GAK: variants seen among roughly 807,000 people sequenced by gnomAD.
GAK encodes cyclin G associated kinase.
A neutral mutation model predicts 143.9 loss-of-function variants in GAK; 79 were observed. That is an observed-to-expected ratio of 0.55 (90% CI 0.46 to 0.66). The LOEUF is 0.66. GAK is among the 30% of genes least tolerant of loss of function. The pLI, the probability that GAK is intolerant of heterozygous loss-of-function variation, is 0.00. For missense variants in GAK, 1,693 were observed against 1,779.7 expected (o/e 0.95, Z 0.88); for synonymous variants, 881 against 765.5 (o/e 1.15, Z -2.49).
chr4:871,913 G>A (rs1392884485), intron 18 of GAK, among the ~76,000 whole-genome samples: 1 of 152,182 alleles, frequency 6.6e-6, no homozygotes, highest in Non-Finnish European at 1.5e-5. Flanking sequence ...CCCCATGCCT[G>A]TCTTATTTTA....
chr4:901,564 C>T (rs1299102080), intron 5 of GAK, among the ~76,000 whole-genome samples: 1 of 152,242 alleles, frequency 6.6e-6, no homozygotes, highest in East Asian at 1.9e-4. Context: ...CACAAGGATA[C>T]AGCTCCCACC....
intron 24 of GAK, among the ~76,000 whole-genome samples, chr4:858,649 GA>G (rs959032245): frequency 3.3e-4 from 50 of 152,186 alleles, no homozygotes; most frequent in Non-Finnish European, 4.4e-5. Context: ...ATTCAAAGAC[GA>G]AAAAACTCTT....
In GAK at chr4:885,564, T is replaced by C. The variant is rs142845413; in HGVS notation, c.1206-1478A>G. On this transcript the variant is annotated intron_variant, in intron 11 of 27. Transcript: ENST00000314167. ...TGGCTGTGTAGGCCTCAGGCACGTG[T>C]ACCACAGGTGTGTGTGTGCTAGGGC... 9.9e-5 allele frequency among the ~76,000 whole-genome samples: 15 copies of C among 152,274 alleles called. No individual in the cohort carries two copies. In the East Asian group the frequency reaches 2.9e-3, roughly 29 times the overall value.
chr4:902,598 A>AAAAAAAAAAAAAAAC (rs1560401351), intron 5 of GAK, among the ~76,000 whole-genome samples: 5 of 147,522 alleles, frequency 3.4e-5, no homozygotes, highest in African/African-American at 1.0e-4. Context: ...GACTGACTCA[A>AAAAAAAAAAAAAAAC]AAAAAAAAAA....
chr4:859,823 TCCTG>T (rs1749962434), intron 23 of GAK, 101 bp from the exon 24 acceptor site: 2 of 838,208 alleles, frequency 2.4e-6, no homozygotes, highest in Middle Eastern at 5.2e-4. Context: ...ACAGCCTCAC[TCCTG>T]CCTGAGAGCT....
chr4:885,200 C>T (rs1388522006), intron 11 of GAK, among the ~76,000 whole-genome samples: 2 of 152,174 alleles, frequency 1.3e-5, no homozygotes, highest in Non-Finnish European at 2.9e-5. Flanking sequence ...GTGAGCCTGA[C>T]GCTTGGCCAC....
At chr4:877,021 T>G in intron 17 of GAK, 69 bp downstream of exon 17, 1 of 1,091,022 alleles carries the variant, frequency 9.2e-7, no homozygotes, top group Non-Finnish European at 1.4e-6. Context: ...GTGAGCGCAC[T>G]GTGGCCCCCA....
intron 18 of GAK, among the ~76,000 whole-genome samples, chr4:875,648 T>C (rs1437816757): frequency 6.6e-6 from 1 of 152,244 alleles, no homozygotes; most frequent in Non-Finnish European, 1.5e-5. Flanking sequence ...TGTTCCACTG[T>C]GTCTTGGCAG....
chr4:926,825 G>T (rs1332406288), intron 1 of GAK, among the ~76,000 whole-genome samples: 2 of 151,222 alleles, frequency 1.3e-5, no homozygotes, highest in Non-Finnish European at 2.9e-5. Context: ...CCTGCGCTCC[G>T]CACTGCCCCG....
intron 10 of GAK, 121 bp downstream of exon 10, chr4:890,411 T>A: frequency 1.5e-6 from 1 of 662,694 alleles, no homozygotes; most frequent in Non-Finnish European, 2.5e-6. Flanking sequence ...CTCACAGTCA[T>A]CTCTGGTGGG....
At chr4:911,930 T>G in intron 3 of GAK, 143 bp from the exon 4 acceptor site, 1 of 632,348 alleles carries the variant, frequency 1.6e-6, no homozygotes. Context: ...GAGCGGAAGA[T>G]GAGGGAGAGA....
intron 4 of GAK, among the ~76,000 whole-genome samples, chr4:909,430 C>T (rs1032419348): frequency 1.3e-5 from 2 of 152,018 alleles, no homozygotes; most frequent in African/African-American, 4.8e-5. Context: ...GACGAGGCCC[C>T]GGTATGCGCA....
chr4:880,773 G>A (rs1261160237), intron 15 of GAK, among the ~76,000 whole-genome samples: 2 of 152,210 alleles, frequency 1.3e-5, no homozygotes, highest in African/African-American at 4.8e-5. Flanking sequence ...CCAGCTAGCT[G>A]CCCGGTGGGA....
chr4:864,217 T>A (rs1359253532), intron 23 of GAK, among the ~76,000 whole-genome samples: 1 of 152,046 alleles, frequency 6.6e-6, no homozygotes, highest in Non-Finnish European at 1.5e-5. Context: ...AAAACTTAGC[T>A]GGGCATGGTG....
intron 1 of GAK, among the ~76,000 whole-genome samples, chr4:917,389 C>T (rs953559980): frequency 3.8e-4 from 57 of 151,894 alleles, no homozygotes; most frequent in Non-Finnish European, 7.4e-4. Flanking sequence ...CTCCAGAAAA[C>T]ACAAATGGAT....
chr4:896,512 T>C lies in GAK; in HGVS notation c.689A>G (p.Glu230Gly), dbSNP rs763834883. Reference sequence around the variant, plus strand: ...GAAGTTGGAATACAAGTCTATGATTTCTGGTGTTCTATACATTGGTGTTGT... The same window carrying C: ...GAAGTTGGAATACAAGTCTATGATTCCTGGTGTTCTATACATTGGTGTTGT... ...RNTTPMYRTP[E>G]IIDLYSNFPI... Residue 230 changes from glutamate to glycine, a missense_variant, in exon 7 of 28, where the codon GAA becomes GGA. This residue lies in a region of GAK where 871 missense variants were observed against 991.0 expected (regional missense o/e 0.88). Transcript: ENST00000314167. The C allele has an allele frequency of 6.2e-7, 1 of 1,614,078 alleles. No homozygotes were observed. The highest frequency in any genetic ancestry group is 1.7e-5 in the Admixed American group (1 of 60,030).
chr4:859,071 T>G (rs2152713058), intron 24 of GAK: 1 of 717,482 alleles, frequency 1.4e-6, no homozygotes, highest in South Asian at 6.2e-5. Flanking sequence ...ATCTTGGGAG[T>G]GAACCCAGAG....
intron 9 of GAK, among the ~76,000 whole-genome samples, chr4:891,226 G>T (rs1277262176): frequency 6.6e-6 from 1 of 151,600 alleles, no homozygotes; most frequent in Non-Finnish European, 1.5e-5. Context: ...TTCCCAAAGT[G>T]CTAGGATTAC....
chr4:926,071 G>A (rs545995348), intron 1 of GAK, among the ~76,000 whole-genome samples: 5 of 151,278 alleles, frequency 3.3e-5, no homozygotes, highest in African/African-American at 1.2e-4. Flanking sequence ...GTCCTCCCCC[G>A]ACAGTGACCT....
Sources: allele counts gnomAD v4.1 joint callset (sites outside exome capture counted in the v4.1 genomes callset), GRCh38; gene constraint gnomAD v4.1.1; regional missense constraint gnomAD v4.1.1; transcripts MANE v1.5; gene names NCBI Gene and HGNC (gene_info 2026-07-23, HGNC 2026-07-21).